The following ZNF385D variants were observed in gnomAD, a reference collection of about 807,000 sequenced individuals.
ZNF385D encodes the protein zinc finger protein 385D.
Under a neutral mutation model 35.8 loss-of-function variants are expected in ZNF385D, and 15 were observed. The ratio of observed to expected loss-of-function variants is 0.42; its 90% CI spans 0.28 to 0.64. The LOEUF is 0.64. Among genes scored for constraint, ZNF385D ranks in the 30% least tolerant of loss-of-function variants. ZNF385D has a pLI of 0.23. For missense variants in ZNF385D, 474 were observed against 494.6 expected (o/e 0.96, Z 0.39); for synonymous variants, 212 against 186.8 (o/e 1.13, Z -1.10).
chr3:21,881,972 T>C (rs1252422999), intron 3 of ZNF385D, among the ~76,000 whole-genome samples: 2 of 151,992 alleles, frequency 1.3e-5, no homozygotes, highest in African/African-American at 2.4e-5. Context: ...AATCTCAAAA[T>C]AAAACTTGAA....
At chr3:22,146,094 A>G (rs540846878) in intron 3 of ZNF385D, among the ~76,000 whole-genome samples, 70 of 152,182 alleles carry the variant, frequency 4.6e-4, no homozygotes, top group Non-Finnish European at 7.8e-4. Flanking sequence ...TGCATCAAAC[A>G]CAATAAAGGT....
Position 21,866,364 on chromosome 3 carries a change from G to T in ZNF385D, c.326-201336C>A, listed in dbSNP as rs532359361. On this transcript the variant is annotated intron_variant, in intron 3 of 5. Transcript: ENST00000494108. Reference sequence around the variant, plus strand: ...AGCTACTTGGGAGGCTGAGGAAGGAGAATCACTTGAACCCAGGAGGTGGAG... The same window carrying T: ...AGCTACTTGGGAGGCTGAGGAAGGATAATCACTTGAACCCAGGAGGTGGAG... 1.2e-4 allele frequency among the ~76,000 whole-genome samples: 18 copies of T among 152,246 alleles called. 1 individual carries two copies. The South Asian group carries it at 2.1e-3, about 18-fold the overall frequency.
chr3:21,973,107 C>CAAAGAAAAAAG (rs1032568836), intron 3 of ZNF385D, among the ~76,000 whole-genome samples: 3 of 151,720 alleles, frequency 2.0e-5, no homozygotes, highest in Non-Finnish European at 4.4e-5. Flanking sequence ...GAAAACACCT[C>CAAAGAAAAAAG]AAAGAAAAAA....
chr3:21,674,416 A>G (rs1054558373), intron 1 of ZNF385D, among the ~76,000 whole-genome samples: 1 of 152,148 alleles, frequency 6.6e-6, no homozygotes, highest in African/African-American at 2.4e-5. Context: ...ATAGGCATAG[A>G]AAGGAACTGA....
At chr3:21,591,495 A>G (rs1559439238) in intron 2 of ZNF385D, among the ~76,000 whole-genome samples, 2 of 152,180 alleles carry the variant, frequency 1.3e-5, no homozygotes, top group Non-Finnish European at 2.9e-5. Flanking sequence ...GTTGATTATA[A>G]TGATTAATTA....
At chr3:21,469,448 G>T (rs1332768630) in intron 4 of ZNF385D, among the ~76,000 whole-genome samples, 1 of 152,138 alleles carries the variant, frequency 6.6e-6, no homozygotes, top group African/African-American at 2.4e-5. Flanking sequence ...TAAGCACATG[G>T]TACTAGCCCT....
chr3:22,304,748 T>C (rs1047523065), intron 2 of ZNF385D, among the ~76,000 whole-genome samples: 1 of 152,180 alleles, frequency 6.6e-6, no homozygotes, highest in African/African-American at 2.4e-5. Flanking sequence ...TGAATATTTC[T>C]TAAATTCTCT....
intron 2 of ZNF385D, among the ~76,000 whole-genome samples, chr3:22,174,053 G>C (rs78068166): frequency 9.9e-5 from 14 of 141,040 alleles, no homozygotes; most frequent in Non-Finnish European, 1.6e-4. Context: ...CACACACACA[G>C]AGATATCCAA....
intron 4 of ZNF385D, among the ~76,000 whole-genome samples, chr3:21,493,362 C>G (rs1705577204): frequency 6.6e-6 from 1 of 152,060 alleles, no homozygotes; most frequent in African/African-American, 2.4e-5. Context: ...TTAGAAATAA[C>G]TTTTAAGCTT....
At chr3:22,225,272 A>G (rs148753860) in intron 2 of ZNF385D, among the ~76,000 whole-genome samples, 3 of 152,242 alleles carry the variant, frequency 2.0e-5, no homozygotes, top group African/African-American at 7.2e-5. Flanking sequence ...CCCCATGTAT[A>G]TCCCGTCACC....
chr3:22,351,324 T>C (rs942018022), intron 2 of ZNF385D, among the ~76,000 whole-genome samples: 2 of 152,108 alleles, frequency 1.3e-5, no homozygotes, highest in African/African-American at 4.8e-5. Flanking sequence ...TACCTGTTTT[T>C]TCTCCTTAGA....
chr3:21,734,428 C>A (rs935523538), intron 1 of ZNF385D, among the ~76,000 whole-genome samples: 1 of 150,838 alleles, frequency 6.6e-6, no homozygotes, highest in Non-Finnish European at 1.5e-5. Flanking sequence ...TTGCAATGAA[C>A]CTTATTGATG....
chr3:21,753,064 G>A (rs2070178186), upstream of ZNF385D, among the ~76,000 whole-genome samples: 3 of 152,244 alleles, frequency 2.0e-5, no homozygotes, highest in Admixed American at 2.0e-4. Flanking sequence ...AACATTAAAG[G>A]ACTACCTTAA....
Position 21,810,265 on chromosome 3 carries a change from A to G in ZNF385D, c.326-145237T>C, listed in dbSNP as rs185321395. On this transcript the variant is annotated intron_variant, in intron 3 of 5. Transcript: ENST00000494108. ...AAAAATCAGTGAATCTAAAGACAGA[A>G]ACTACATGATCATATTAATTGATAT... 9.9e-5 allele frequency among the ~76,000 whole-genome samples: 15 copies of G among 152,256 alleles called. No individual in the cohort carries two copies. In the East Asian group the frequency reaches 2.9e-3, roughly 29 times the overall value.
chr3:21,442,102 CTG>C (rs777803887), intron 4 of ZNF385D, among the ~76,000 whole-genome samples: 49 of 152,224 alleles, frequency 3.2e-4, no homozygotes, highest in Non-Finnish European at 6.2e-4. Flanking sequence ...TATAAAAACA[CTG>C]TAAATACTTC....
At chr3:21,955,691 A>G (rs985914327) in intron 3 of ZNF385D, among the ~76,000 whole-genome samples, 3 of 152,120 alleles carry the variant, frequency 2.0e-5, no homozygotes, top group Non-Finnish European at 4.4e-5. Flanking sequence ...TAATTAACCC[A>G]CATGTTATAA....
chr3:21,559,146 G>A (rs1401981203), intron 3 of ZNF385D, among the ~76,000 whole-genome samples: 1 of 151,934 alleles, frequency 6.6e-6, no homozygotes, highest in Non-Finnish European at 1.5e-5. Context: ...TCTTTTAATT[G>A]GGGCATCTAG....
intron 3 of ZNF385D, among the ~76,000 whole-genome samples, chr3:21,799,122 G>C (rs888543240): frequency 6.6e-6 from 1 of 152,150 alleles, no homozygotes; most frequent in Admixed American, 6.5e-5. Context: ...ACTGTAGCAT[G>C]TACTTGATTT....
At chr3:21,738,388 G>A (rs554945840) in intron 1 of ZNF385D, among the ~76,000 whole-genome samples, 1 of 152,258 alleles carries the variant, frequency 6.6e-6, no homozygotes, top group Admixed American at 6.5e-5. Flanking sequence ...TTAAAAACAG[G>A]AATACTGATA....
Sources: gnomAD v4.1 joint callset for allele counts (sites outside exome capture counted in the v4.1 genomes callset) on GRCh38, gnomAD v4.1.1 for gene constraint, MANE v1.5 for transcripts, NCBI Gene and HGNC (gene_info 2026-07-23, HGNC 2026-07-21) for gene names.